The following PLD5 variants were observed in gnomAD, a reference collection of about 807,000 sequenced individuals.
PLD5 encodes the protein phospholipase D family member 5, also known as inactive phospholipase D5.
Under a neutral mutation model 61.1 loss-of-function variants are expected in PLD5, and 36 were observed. The ratio of observed to expected loss-of-function variants is 0.59; its 90% CI spans 0.45 to 0.78. PLD5 has a LOEUF of 0.78. Ranked by LOEUF, PLD5 falls within the 30% of genes least tolerant of loss-of-function variation. The probability of loss-of-function intolerance (pLI) is 0.00; values close to 1 mark genes in which losing one functional copy is unlikely to be tolerated. For missense variants in PLD5, 515 were observed against 644.4 expected, an observed-to-expected ratio of 0.80 and a Z score of 2.17; for synonymous variants, 243 against 242.8, an observed-to-expected ratio of 1.00 and a Z score of -0.01.
intron 4 of PLD5, among the ~76,000 whole-genome samples, chr1:242,233,078 C>T (rs1187979631): frequency 2.6e-5 from 4 of 152,074 alleles, no homozygotes; most frequent in South Asian, 2.1e-4. Flanking sequence ...CGCTTGAACC[C>T]GGGAGGCCAA....
At chr1:242,263,506 G>A (rs1673486422) in intron 4 of PLD5, among the ~76,000 whole-genome samples, 1 of 150,400 alleles carries the variant, frequency 6.6e-6, no homozygotes, top group South Asian at 2.1e-4. Flanking sequence ...GTATTCTAAA[G>A]ACTTATACAT....
chr1:242,159,134 A>G (rs1338214906), intron 5 of PLD5, among the ~76,000 whole-genome samples: 2 of 152,118 alleles, frequency 1.3e-5, no homozygotes, highest in African/African-American at 2.4e-5. Flanking sequence ...CTTTAAGGAA[A>G]GATGGACATC....
chr1:242,371,778 A>C (rs1467187073), intron 1 of PLD5, among the ~76,000 whole-genome samples: 1 of 152,186 alleles, frequency 6.6e-6, no homozygotes, highest in Non-Finnish European at 1.5e-5. Flanking sequence ...ATAGATAATG[A>C]AATGCAATCT....
chr1:242,266,420 A>G (rs1673677319), intron 3 of PLD5, among the ~76,000 whole-genome samples: 1 of 152,136 alleles, frequency 6.6e-6, no homozygotes, highest in Admixed American at 6.5e-5. Flanking sequence ...TGGGAGTTTC[A>G]AAAGCATATA....
At chr1:242,098,090 A>C (rs1367961892) in intron 9 of PLD5, among the ~76,000 whole-genome samples, 2 of 152,020 alleles carry the variant, frequency 1.3e-5, no homozygotes, top group Admixed American at 6.6e-5. Context: ...GTATTTCCTG[A>C]ATTTGAATGT....
At chr1:242,454,462 T>C (rs1199612644) in intron 1 of PLD5, among the ~76,000 whole-genome samples, 2 of 152,020 alleles carry the variant, frequency 1.3e-5, no homozygotes, top group Admixed American at 6.6e-5. Context: ...TAAATTGATG[T>C]TGGCAGAGGA....
chr1:242,529,778 TCTTCCTTCCTTCCTTCCTTCCTTC>T, the PLD5 span, among the ~76,000 whole-genome samples: 4 of 129,792 alleles, frequency 3.1e-5, no homozygotes, highest in East Asian at 4.6e-4. Context: ...GGCACTGGGA[TCTTCCTTCCTTCCTTCCTTCCTTC>T]CTTCCTTCCT....
intron 5 of PLD5, among the ~76,000 whole-genome samples, chr1:242,129,067 C>T (rs1663030814): frequency 6.6e-6 from 1 of 152,030 alleles, no homozygotes; most frequent in Non-Finnish European, 1.5e-5. Flanking sequence ...ATGTATCTAC[C>T]CCAAGACTCT....
chr1:242,285,627 C>CT (rs1674978728), intron 3 of PLD5, among the ~76,000 whole-genome samples: 1 of 151,550 alleles, frequency 6.6e-6, no homozygotes, highest in South Asian at 2.1e-4. Flanking sequence ...AAAGGGCCAT[C>CT]TGTATTATGC....
At chr1:242,350,910 T>C (rs1326677756) in intron 1 of PLD5, among the ~76,000 whole-genome samples, 5 of 151,822 alleles carry the variant, frequency 3.3e-5, no homozygotes, top group African/African-American at 4.8e-5. Context: ...TTTTTTTTTT[T>C]TTCCTTTTGA....
intron 2 of PLD5, among the ~76,000 whole-genome samples, chr1:242,300,770 G>A (rs1419492199): frequency 7.2e-6 from 1 of 138,802 alleles, no homozygotes; most frequent in African/African-American, 2.6e-5. Flanking sequence ...GTTGCAGCGG[G>A]AGAACAATTA....
chr1:242,394,912 ATATGTATATATGTATACAT>A (rs1237711494), intron 1 of PLD5, among the ~76,000 whole-genome samples: 4 of 129,810 alleles, frequency 3.1e-5, no homozygotes, highest in African/African-American at 5.7e-5. Context: ...ATATGAATAT[ATATGTATATATGTATACAT>A]TATATGAATA....
chr1:242,486,998 G>A (rs1190589063), intron 1 of PLD5, among the ~76,000 whole-genome samples: 2 of 152,042 alleles, frequency 1.3e-5, no homozygotes, highest in Non-Finnish European at 2.9e-5. Context: ...ACTCATAGGT[G>A]GGAATTGAAC....
intron 4 of PLD5, among the ~76,000 whole-genome samples, chr1:242,249,880 T>C (rs914367051): frequency 6.6e-6 from 1 of 152,212 alleles, no homozygotes; most frequent in Non-Finnish European, 1.5e-5. Context: ...AGGAGACAGA[T>C]ACTATCTAAA....
chr1:242,387,476 C>T (rs191446832), intron 1 of PLD5, among the ~76,000 whole-genome samples: 21 of 151,936 alleles, frequency 1.4e-4, no homozygotes, highest in Middle Eastern at 3.4e-3. Context: ...ACATCCAGGG[C>T]GGAGGGTAGG....
intron 5 of PLD5, among the ~76,000 whole-genome samples, chr1:242,176,869 A>C (rs767643459): frequency 6.6e-5 from 10 of 152,242 alleles, no homozygotes; most frequent in Non-Finnish European, 1.5e-4. Context: ...TCAAAACCAC[A>C]ATGAGATACC....
intron 5 of PLD5, among the ~76,000 whole-genome samples, chr1:242,178,056 A>G (rs1243451532): frequency 6.6e-6 from 1 of 152,256 alleles, no homozygotes; most frequent in Non-Finnish European, 1.5e-5. Flanking sequence ...GGCTTAATTG[A>G]TAACAAATGT....
At chr1:242,308,666 T>C (rs183815757) in intron 2 of PLD5, among the ~76,000 whole-genome samples, 1,759 of 151,044 alleles carry the variant, frequency 0.012, 21 homozygotes, top group African/African-American at 0.039. Context: ...ATACATGAAA[T>C]GAAAAAAAAA....
chr1:242,296,973 A>G (rs1186618505), intron 2 of PLD5, among the ~76,000 whole-genome samples: 1 of 152,132 alleles, frequency 6.6e-6, no homozygotes, highest in East Asian at 1.9e-4. Context: ...CAATCCTTCC[A>G]AAGTGCTGGG....
Sources: gnomAD v4.1 joint callset for allele counts (sites outside exome capture counted in the v4.1 genomes callset) on GRCh38, gnomAD v4.1.1 for gene constraint, MANE v1.5 for transcripts, NCBI Gene and HGNC (gene_info 2026-07-23, HGNC 2026-07-21) for gene names.